CCDC122: variants seen among roughly 807,000 people sequenced by gnomAD.
CCDC122 encodes the protein coiled-coil domain-containing protein 122.
In CCDC122, 38 loss-of-function variants were observed where a neutral mutation model predicts 37.0. The observed-to-expected ratio is 1.03, with a 90% CI of 0.79 to 1.35. The LOEUF is 1.35. Among genes scored for constraint, CCDC122 ranks in the 40% most tolerant of loss-of-function variants. The pLI is 0.00. For synonymous variants in CCDC122, 83 were observed against 95.6 expected (o/e 0.87, Z 0.77); for missense variants, 305 against 310.0 (o/e 0.98, Z 0.12).
intron 6 of CCDC122, 108 bp from the exon 7 acceptor site, chr13:43,837,537 A>C (rs1953209241): frequency 1.2e-6 from 1 of 840,120 alleles, no homozygotes; most frequent in Non-Finnish European, 1.8e-6. Flanking sequence ...ATTAGAAACT[A>C]TCCACTATAA....
chr13:43,879,728 C>A lies in CCDC122; in HGVS notation c.-297G>T. The A allele has an allele frequency of 8.5e-6, 1 of 117,122 alleles. No homozygotes were observed. The highest frequency in any genetic ancestry group is 2.2e-4 in the East Asian group (1 of 4,510). The allele number at this position is 117,122 out of a possible 1,614,324, so 7.3% of individuals were successfully genotyped here. On this transcript the variant is annotated 5_prime_UTR_variant, in exon 1 of 7. Transcript: ENST00000444614. ...ATCAGGCGGGGAATCTGTGCGGCCG[C>A]GGCGAGGTAGGTGAGGTGAGGCGGG...
intron 3 of CCDC122, among the ~76,000 whole-genome samples, chr13:43,829,074 A>G (rs576471524): frequency 6.6e-6 from 1 of 152,352 alleles, no homozygotes; most frequent in Non-Finnish European, 1.5e-5. Context: ...AAAATATTAC[A>G]AATATATCAT....
chr13:43,844,447 T>G (rs945334880), intron 6 of CCDC122, among the ~76,000 whole-genome samples: 5 of 152,044 alleles, frequency 3.3e-5, no homozygotes, highest in Non-Finnish European at 7.4e-5. Flanking sequence ...ATATTTCATG[T>G]ACACTTAAAG....
In CCDC122 at chr13:43,841,599, T is replaced by C. The variant is rs192911040; in HGVS notation, c.673-4170A>G. ...TTTTTAAAAAAATGACTGTATGACT[T>C]TATTATAGGCTGATAGGATTTCTTT... is the stretch of plus-strand genomic sequence containing the variant. On this transcript the variant is annotated intron_variant, in intron 6 of 6. Coordinates refer to ENST00000444614, the MANE Select transcript of CCDC122 (RefSeq NM_144974.5). Among the ~76,000 whole-genome samples, 27 of 152,346 alleles carry C rather than the reference T, an allele frequency of 1.8e-4. No individual in the cohort carries two copies. In the East Asian group the frequency reaches 5.0e-3, roughly 28 times the overall value.
chr13:43,838,980 T>C (rs183880176), intron 6 of CCDC122, among the ~76,000 whole-genome samples: 1 of 152,344 alleles, frequency 6.6e-6, no homozygotes, highest in African/African-American at 2.4e-5. Flanking sequence ...ATGCCTGCAA[T>C]AAGGTTAACT....
At chr13:43,841,187 G>A (rs1355064375) in intron 6 of CCDC122, among the ~76,000 whole-genome samples, 1 of 152,192 alleles carries the variant, frequency 6.6e-6, no homozygotes, top group Non-Finnish European at 1.5e-5. Context: ...GCTACTGTAA[G>A]AATTCATATA....
At chr13:43,844,747 A>G (rs899870636) in intron 6 of CCDC122, among the ~76,000 whole-genome samples, 2 of 151,978 alleles carry the variant, frequency 1.3e-5, no homozygotes, top group Non-Finnish European at 2.9e-5. Context: ...AGTAGTTCTT[A>G]CCTTGAAATC....
intron 3 of CCDC122, among the ~76,000 whole-genome samples, chr13:43,826,407 G>C (rs1327985392): frequency 6.6e-6 from 1 of 152,076 alleles, no homozygotes; most frequent in African/African-American, 2.4e-5. Flanking sequence ...TACTGTGGTC[G>C]TTTATTTATT....
At chr13:43,849,687 T>TTA (rs890697877) in intron 6 of CCDC122, among the ~76,000 whole-genome samples, 1 of 152,144 alleles carries the variant, frequency 6.6e-6, no homozygotes, top group African/African-American at 2.4e-5. Flanking sequence ...CAGTAACTGT[T>TTA]TTACTAAAGT....
In CCDC122 at chr13:43,836,466, T is replaced by C. The variant is rs1402610632; in HGVS notation, c.*814A>G. ...TAAAAGAGAAAATGGAGTAAAATAT[T>C]TGAAGCATTGAACATACAAAAACAT... On this transcript the variant is annotated 3_prime_UTR_variant, in exon 7 of 7. Coordinates refer to ENST00000444614, the MANE Select transcript of CCDC122 (RefSeq NM_144974.5). The C allele has an allele frequency of 6.6e-6, 1 of 152,352 alleles. No homozygotes were observed. The highest frequency in any genetic ancestry group is 2.4e-5 in the African/African-American group (1 of 41,552). The allele number at this position is 152,352 out of a possible 1,614,324, so 9.4% of individuals were successfully genotyped here. A position where few individuals can be genotyped will look rare whatever the true frequency, so the allele number is the denominator to read the frequency against.
chr13:43,857,461 TGTGTGTG>T (rs1366488214), intron 6 of CCDC122, among the ~76,000 whole-genome samples: 66 of 137,204 alleles, frequency 4.8e-4, no homozygotes, highest in African/African-American at 2.0e-3. Flanking sequence ...TGTGTGTGTG[TGTGTGTG>T]TGTGTGTGTG....
At chr13:43,878,087 TA>T (rs1351317681) in intron 1 of CCDC122, 11 of 150,400 alleles carry the variant, frequency 7.3e-5, no homozygotes, top group Admixed American at 2.0e-4. Flanking sequence ...TCTTTTGAAA[TA>T]TTTTCTTTTT....
At chr13:43,867,812 C>G (rs1374314940) in intron 4 of CCDC122, among the ~76,000 whole-genome samples, 1 of 151,996 alleles carries the variant, frequency 6.6e-6, no homozygotes, top group African/African-American at 2.4e-5. Flanking sequence ...CTAGAAGTGA[C>G]TAACATAATA....
chr13:43,879,099 C>T (rs9567295), intron 1 of CCDC122, among the ~76,000 whole-genome samples: 1 of 152,072 alleles, frequency 6.6e-6, no homozygotes, highest in Non-Finnish European at 1.5e-5. Flanking sequence ...ACCGGAAACG[C>T]GGACTTCAGC....
intron 6 of CCDC122, among the ~76,000 whole-genome samples, chr13:43,841,779 C>G (rs1953361363): frequency 6.6e-6 from 1 of 152,162 alleles, no homozygotes; most frequent in South Asian, 2.1e-4. Context: ...GGCATGATCA[C>G]AGATCACTAC....
chr13:43,822,446 G>A (rs1017285011), downstream of CCDC122, among the ~76,000 whole-genome samples: 12 of 152,170 alleles, frequency 7.9e-5, no homozygotes, highest in African/African-American at 2.4e-4. Context: ...CCTGGCTACC[G>A]CCTATGATCA....
chr13:43,866,029 G>A (rs554960944), intron 4 of CCDC122, among the ~76,000 whole-genome samples: 25 of 152,210 alleles, frequency 1.6e-4, no homozygotes, highest in Non-Finnish European at 2.9e-4. Flanking sequence ...TAACTGAGAC[G>A]ACTACTAAGT....
chr13:43,851,807 T>C (rs995748704), intron 6 of CCDC122, among the ~76,000 whole-genome samples: 1 of 152,144 alleles, frequency 6.6e-6, no homozygotes, highest in African/African-American at 2.4e-5. Context: ...AACTGGGGCC[T>C]GATACAAGTC....
chr13:43,834,148 A>C (rs1485971380), downstream of CCDC122, among the ~76,000 whole-genome samples: 1 of 152,178 alleles, frequency 6.6e-6, no homozygotes, highest in Non-Finnish European at 1.5e-5. Context: ...CCTCAGAAAT[A>C]ATGCCGCATA....
Sources: allele counts gnomAD v4.1 joint callset (sites outside exome capture counted in the v4.1 genomes callset), GRCh38; gene constraint gnomAD v4.1.1; transcripts MANE v1.5; gene names NCBI Gene and HGNC (gene_info 2026-07-23, HGNC 2026-07-21).